Variants in CCBE1 observed in about 807,000 individuals in gnomAD.
CCBE1 encodes collagen and calcium-binding EGF domain-containing protein 1.
CCBE1 carries 37 observed loss-of-function variants against 50.0 expected under a neutral mutation model. That is an observed-to-expected ratio of 0.74 (90% CI 0.57 to 0.97). The LOEUF is 0.97. Ranked by LOEUF, CCBE1 falls within the 50% of genes least tolerant of loss-of-function variation. The pLI, the probability that CCBE1 is intolerant of heterozygous loss-of-function variation, is 0.00. For synonymous variants in CCBE1, 234 were observed against 203.7 expected (o/e 1.15, Z -1.27); for missense variants, 538 against 523.8 (o/e 1.03, Z -0.26).
intron 2 of CCBE1, among the ~76,000 whole-genome samples, chr18:59,533,767 C>T (rs1406349385): frequency 6.6e-6 from 1 of 152,126 alleles, no homozygotes; most frequent in Non-Finnish European, 1.5e-5. Context: ...AATTGTTTTG[C>T]TTATACAGAA....
At chr18:59,616,326 T>C (rs1425849591) in intron 2 of CCBE1, among the ~76,000 whole-genome samples, 2 of 152,154 alleles carry the variant, frequency 1.3e-5, no homozygotes, top group Non-Finnish European at 2.9e-5. Context: ...TGAAAAATGA[T>C]GGCTAAGTGA....
At chr18:59,577,031 A>G (rs2053007837) in intron 2 of CCBE1, among the ~76,000 whole-genome samples, 1 of 152,246 alleles carries the variant, frequency 6.6e-6, no homozygotes, top group South Asian at 2.1e-4. Flanking sequence ...TGGCTGGCAC[A>G]TAAAAGAAAT....
intron 2 of CCBE1, among the ~76,000 whole-genome samples, chr18:59,629,699 C>T (rs1363902527): frequency 1.3e-5 from 2 of 152,178 alleles, no homozygotes; most frequent in African/African-American, 2.4e-5. Flanking sequence ...ATAGTATTCT[C>T]GAGTAGTCTC....
chr18:59,452,836 T>C lies in CCBE1; in HGVS notation c.654+2015A>G, dbSNP rs1911006103. The stretch of plus-strand genomic sequence containing the variant: ...TAGAAATAAATTGCTCCTCATAACA[T>C]TCCTTGAAAGTCTACATTAGCTTGG... On this transcript the variant is annotated intron_variant, in intron 6 of 10. Transcript: ENST00000439986. Among the ~76,000 whole-genome samples the C allele has an allele frequency of 3.9e-5, 6 of 152,288 alleles. No homozygotes were observed. The South Asian group carries it at 1.0e-3, about 26-fold the overall frequency.
At chr18:59,582,092 T>TC (rs1261057906) in intron 2 of CCBE1, among the ~76,000 whole-genome samples, 1 of 151,964 alleles carries the variant, frequency 6.6e-6, no homozygotes, top group Non-Finnish European at 1.5e-5. Flanking sequence ...ACTTGACTGG[T>TC]CTGCCACTGT....
intron 2 of CCBE1, among the ~76,000 whole-genome samples, chr18:59,487,765 A>C (rs1407082603): frequency 6.6e-6 from 1 of 152,256 alleles, no homozygotes; most frequent in Non-Finnish European, 1.5e-5. Flanking sequence ...GGTCAAGATC[A>C]AATGAGAAAA....
intron 2 of CCBE1, among the ~76,000 whole-genome samples, chr18:59,541,478 C>CA (rs1915462771): frequency 6.6e-6 from 1 of 152,168 alleles, no homozygotes. Context: ...ACAGGCACTT[C>CA]AAATAACCTC....
At chr18:59,563,480 A>ATAT (rs1223258295) in intron 2 of CCBE1, among the ~76,000 whole-genome samples, 2 of 152,230 alleles carry the variant, frequency 1.3e-5, no homozygotes, top group Admixed American at 6.5e-5. Flanking sequence ...CAGGAAGATA[A>ATAT]CATCACTATT....
intron 2 of CCBE1, among the ~76,000 whole-genome samples, chr18:59,525,501 A>C (rs1914782475): frequency 6.6e-6 from 1 of 152,154 alleles, no homozygotes; most frequent in African/African-American, 2.4e-5. Context: ...TGAATATTAG[A>C]ACTTCGTTAG....
chr18:59,607,776 TA>T (rs1343012620), intron 2 of CCBE1, among the ~76,000 whole-genome samples: 1 of 152,178 alleles, frequency 6.6e-6, no homozygotes, highest in Non-Finnish European at 1.5e-5. Flanking sequence ...TTACCTTATT[TA>T]AAAATGGGGA....
chr18:59,501,436 C>T (rs688519), intron 2 of CCBE1, among the ~76,000 whole-genome samples: 18,301 of 152,158 alleles, frequency 0.12, 1,750 homozygotes, highest in East Asian at 0.34. Context: ...AGTGAGTGGC[C>T]AGGCTGGAAG....
At chr18:59,531,128 G>C (rs951824425) in intron 2 of CCBE1, among the ~76,000 whole-genome samples, 1 of 152,018 alleles carries the variant, frequency 6.6e-6, no homozygotes, top group Admixed American at 6.6e-5. Flanking sequence ...TGTTTTTCCA[G>C]CATAACAATG....
chr18:59,641,827 T>G (rs1864309), intron 2 of CCBE1, among the ~76,000 whole-genome samples: 68,658 of 151,952 alleles, frequency 0.45, 17,171 homozygotes, highest in Non-Finnish European at 0.56. Context: ...ATTAAAATCG[T>G]TGAGGCTCGA....
At chr18:59,666,595 C>T (rs17066129) in intron 2 of CCBE1, among the ~76,000 whole-genome samples, 3,913 of 150,646 alleles carry the variant, frequency 0.026, 101 homozygotes, top group African/African-American at 0.053. Context: ...TTCAGCAAAG[C>T]TACAAGACAC....
intron 2 of CCBE1, among the ~76,000 whole-genome samples, chr18:59,584,702 C>T (rs950897356): frequency 2.0e-5 from 3 of 152,090 alleles, no homozygotes; most frequent in African/African-American, 7.2e-5. Context: ...ATGTAAGATG[C>T]CTGTTCCCCC....
At chr18:59,514,469 A>G (rs1204949751) in intron 2 of CCBE1, among the ~76,000 whole-genome samples, 1 of 152,060 alleles carries the variant, frequency 6.6e-6, no homozygotes, top group Non-Finnish European at 1.5e-5. Context: ...CAATCTCACA[A>G]GCTAGTCTGA....
At chr18:59,662,519 C>T (rs75274252) in intron 2 of CCBE1, among the ~76,000 whole-genome samples, 3,386 of 152,292 alleles carry the variant, frequency 0.022, 47 homozygotes, top group East Asian at 0.066. Flanking sequence ...AGACAGGTTC[C>T]TTCCTCACTG....
intron 2 of CCBE1, among the ~76,000 whole-genome samples, chr18:59,647,565 CTG>C (rs2054071689): frequency 1.3e-5 from 2 of 152,106 alleles, no homozygotes; most frequent in Admixed American, 6.5e-5. Flanking sequence ...TGGCAGAAAA[CTG>C]TGTTCATCTT....
At chr18:59,454,525 C>G (rs1222104978) in intron 6 of CCBE1, among the ~76,000 whole-genome samples, 2 of 152,162 alleles carry the variant, frequency 1.3e-5, no homozygotes, top group Non-Finnish European at 2.9e-5. Context: ...GGATTACAGG[C>G]GTGAGTCACC....
Sources: gnomAD v4.1 joint callset for allele counts (sites outside exome capture counted in the v4.1 genomes callset) on GRCh38, gnomAD v4.1.1 for gene constraint, MANE v1.5 for transcripts, NCBI Gene and HGNC (gene_info 2026-07-23, HGNC 2026-07-21) for gene names.